The following CHD7 variants were observed in gnomAD, a reference collection of about 807,000 sequenced individuals.
The protein encoded by CHD7 is ATP-dependent chromatin remodeler CHD7.
Under a neutral mutation model 307.3 loss-of-function variants are expected in CHD7, and 24 were observed. The ratio of observed to expected loss-of-function variants is 0.08; its 90% CI spans 0.06 to 0.11. The LOEUF (loss-of-function observed/expected upper bound fraction) is 0.11, where lower values mean the gene tolerates loss of function less well. Ranked by LOEUF, CHD7 falls within the 10% of genes least tolerant of loss-of-function variation. CHD7 has a pLI of 1.00. For synonymous variants in CHD7, 1,363 were observed against 1,349.9 expected (o/e 1.01, Z -0.21); for missense variants, 3,106 against 3,727.1 (o/e 0.83, Z 4.34).
chr8:60,712,341 A>T (rs1456101410), intron 1 of CHD7, among the ~76,000 whole-genome samples: 1 of 152,224 alleles, frequency 6.6e-6, no homozygotes, highest in Non-Finnish European at 1.5e-5. Flanking sequence ...TCTAAGCAAC[A>T]TCATATTTTA....
At chr8:60,736,298 G>C (rs1200864737) in intron 1 of CHD7, among the ~76,000 whole-genome samples, 1 of 152,120 alleles carries the variant, frequency 6.6e-6, no homozygotes, top group Non-Finnish European at 1.5e-5. Context: ...TTGTGGGTGG[G>C]GCAGTGGGAG....
At chr8:60,745,599 A>G (rs143415918) in intron 2 of CHD7, among the ~76,000 whole-genome samples, 1 of 152,328 alleles carries the variant, frequency 6.6e-6, no homozygotes, top group African/African-American at 2.4e-5. Context: ...CATTCTAAGT[A>G]CAATTATGTT....
rs189632311 is a variant in CHD7 at position 60,844,787 on chromosome 8, C to T, written c.4851-77C>T. 156 of 1,265,504 alleles carry T rather than the reference C, an allele frequency of 1.2e-4. 3 individuals are homozygous for T. The highest frequency in any genetic ancestry group is 1.1e-3 in the South Asian group (71 of 62,428). 78.4% of individuals were successfully genotyped at this position (1,265,504 alleles called of 1,614,324 possible). On this transcript the variant is annotated intron_variant, in intron 21 of 37. Transcript: ENST00000423902. Reference sequence around the variant, plus strand: ...CTAGTTTTGACCCAGGATTTCCCAACGCTGGTACCTGACTTAAAGTAAAGC... The same window carrying T: ...CTAGTTTTGACCCAGGATTTCCCAATGCTGGTACCTGACTTAAAGTAAAGC...
At chr8:60,712,387 C>T (rs944918431) in intron 1 of CHD7, among the ~76,000 whole-genome samples, 9 of 152,118 alleles carry the variant, frequency 5.9e-5, no homozygotes, top group Non-Finnish European at 1.0e-4. Context: ...AGAATTTTTA[C>T]AATGTTTGAG....
At chr8:60,756,713 G>A (rs936690283) in intron 2 of CHD7, among the ~76,000 whole-genome samples, 51 of 152,002 alleles carry the variant, frequency 3.4e-4, no homozygotes, top group Middle Eastern at 3.2e-3. Flanking sequence ...ACACATACGC[G>A]CATACACACA....
chr8:60,704,810 T>A (rs1359326328), intron 1 of CHD7, among the ~76,000 whole-genome samples: 1 of 152,160 alleles, frequency 6.6e-6, no homozygotes, highest in Non-Finnish European at 1.5e-5. Flanking sequence ...CCCTAACCCA[T>A]ATGGTGCCTT....
chr8:60,752,125 G>A lies in CHD7; in HGVS notation c.1665+9028G>A, dbSNP rs116040602. ...AAATCATTCTGTACCATAGGTTTCGGGAGTCCTAGACGTTAACCTTAACTA... is the reference window on the plus strand; with the variant it reads ...AAATCATTCTGTACCATAGGTTTCGAGAGTCCTAGACGTTAACCTTAACTA... On this transcript the variant is annotated intron_variant, in intron 2 of 37. Coordinates refer to ENST00000423902, the MANE Select transcript of CHD7 (RefSeq NM_017780.4). Among the ~76,000 whole-genome samples, 1,134 of 152,178 alleles carry A rather than the reference G, an allele frequency of 7.5e-3. 11 individuals carry two copies. Among genetic ancestry groups the A allele is most frequent in the African/African-American group, 0.025 (1,055 of 41,506 alleles).
chr8:60,701,885 G>T (rs1806780881), intron 1 of CHD7, among the ~76,000 whole-genome samples: 2 of 152,210 alleles, frequency 1.3e-5, no homozygotes, highest in Admixed American at 1.3e-4. Flanking sequence ...TTGATGTAGG[G>T]TTGTTTTCTG....
intron 1 of CHD7, among the ~76,000 whole-genome samples, chr8:60,722,988 A>G (rs911569136): frequency 3.9e-5 from 6 of 152,246 alleles, no homozygotes; most frequent in Non-Finnish European, 7.3e-5. Flanking sequence ...CTATTGGTCT[A>G]TCTTGCACTT....
In CHD7 at chr8:60,866,015, C is replaced by A. The variant is rs921675731; in HGVS notation, c.*82C>A. 7.1e-6 allele frequency: 9 copies of A among 1,272,874 alleles called. No individual in the cohort carries two copies. The highest frequency in any genetic ancestry group is 3.0e-5 in the African/African-American group (2 of 67,108). 78.8% of individuals were successfully genotyped at this position (1,272,874 alleles called of 1,614,324 possible). A position where few individuals can be genotyped will look rare whatever the true frequency, so the allele number is the denominator to read the frequency against. On this transcript the variant is annotated 3_prime_UTR_variant, in exon 38 of 38. Transcript: ENST00000423902. ...TTTACACTCACAGTTAATGTTCATA[C>A]CTAGTTTTATAAGCTGTTCTGTAAC...
At chr8:60,842,981 G>A (rs981276739) in intron 21 of CHD7, among the ~76,000 whole-genome samples, 4 of 152,082 alleles carry the variant, frequency 2.6e-5, no homozygotes, top group East Asian at 3.9e-4. Flanking sequence ...TTGCACCTCC[G>A]CTGGGAGGTG....
intron 16 of CHD7, 64 bp downstream of exon 16, chr8:60,836,347 C>T (rs1284513943): frequency 3.7e-6 from 5 of 1,362,660 alleles, no homozygotes; most frequent in Non-Finnish European, 5.0e-6. Flanking sequence ...GGGGTCCAAG[C>T]AGTCCACCTA....
chr8:60,745,511 C>T (rs1235062952), intron 2 of CHD7, among the ~76,000 whole-genome samples: 1 of 111,728 alleles, frequency 9.0e-6, no homozygotes, highest in Non-Finnish European at 2.2e-5. Flanking sequence ...ACATGCATTC[C>T]CTCCTTCTTT....
At chr8:60,791,726 A>G (rs1811780948) in intron 3 of CHD7, among the ~76,000 whole-genome samples, 1 of 152,222 alleles carries the variant, frequency 6.6e-6, no homozygotes, top group Non-Finnish European at 1.5e-5. Flanking sequence ...GTTGTGATTA[A>G]TAGCCTGGGC....
intron 2 of CHD7, among the ~76,000 whole-genome samples, chr8:60,769,153 C>T (rs1447850310): frequency 6.6e-6 from 1 of 152,166 alleles, no homozygotes; most frequent in Admixed American, 6.5e-5. Context: ...TCCAAATAAA[C>T]TCATGTTTAA....
intron 2 of CHD7, among the ~76,000 whole-genome samples, chr8:60,777,881 G>A (rs983922974): frequency 1.3e-5 from 2 of 152,126 alleles, no homozygotes; most frequent in Non-Finnish European, 2.9e-5. Flanking sequence ...TATATGTCAA[G>A]CAGAAAGTTT....
At chr8:60,719,472 A>G (rs991900579) in intron 1 of CHD7, among the ~76,000 whole-genome samples, 4 of 152,136 alleles carry the variant, frequency 2.6e-5, no homozygotes, top group South Asian at 4.1e-4. Context: ...CTTGAAATGG[A>G]TATCAGTCTC....
At chr8:60,808,761 T>C (rs947573515) in intron 7 of CHD7, 1 of 153,920 alleles carries the variant, frequency 6.5e-6, no homozygotes, top group African/African-American at 2.4e-5. Flanking sequence ...ATTTAGTAGA[T>C]TTGAATTCAT....
chr8:60,816,510 T>C lies in CHD7; in HGVS notation c.2613+9T>C. 3 of 1,431,466 alleles carry C rather than the reference T, an allele frequency of 2.1e-6. No homozygotes were observed. Among genetic ancestry groups the C allele is most frequent in the Non-Finnish European group, 2.9e-6 (3 of 1,029,232 alleles). 88.7% of individuals were successfully genotyped at this position (1,431,466 alleles called of 1,614,324 possible). The stretch of plus-strand genomic sequence containing the variant: ...ACAAGTTCCTTTCAGAGGTACGACA[T>C]ACCTGCTTACTTTTCCAAAGTATTT... On this transcript the variant is annotated intron_variant, in intron 8 of 37. Coordinates refer to ENST00000423902, the MANE Select transcript of CHD7 (RefSeq NM_017780.4).
Sources: gnomAD v4.1 joint callset for allele counts (sites outside exome capture counted in the v4.1 genomes callset) on GRCh38, gnomAD v4.1.1 for gene constraint, MANE v1.5 for transcripts, NCBI Gene and HGNC (gene_info 2026-07-23, HGNC 2026-07-21) for gene names.